GRM7: variants seen among roughly 807,000 people sequenced by gnomAD.
The protein encoded by GRM7 is glutamate metabotropic receptor 7, also known as metabotropic glutamate receptor 7.
A neutral mutation model predicts 84.5 loss-of-function variants in GRM7; 35 were observed. That is an observed-to-expected ratio of 0.41 (90% confidence interval 0.32 to 0.55). The LOEUF (loss-of-function observed/expected upper bound fraction) is 0.55, where lower values mean the gene tolerates loss of function less well. Ranked by LOEUF, GRM7 falls within the 20% of genes least tolerant of loss-of-function variation. The pLI, the probability that GRM7 is intolerant of heterozygous loss-of-function variation, is 0.19. For missense variants in GRM7, 1,003 were observed against 1,194.6 expected (o/e 0.84, Z 2.36); for synonymous variants, 487 against 455.1 (o/e 1.07, Z -0.89).
chr3:7,185,018 A>C (rs897774257), intron 2 of GRM7, among the ~76,000 whole-genome samples: 3 of 152,182 alleles, frequency 2.0e-5, no homozygotes, highest in African/African-American at 7.2e-5. Flanking sequence ...AAAGTGATAT[A>C]AGTTAGGTGG....
chr3:7,064,479 T>TATATATACAC, intron 1 of GRM7, among the ~76,000 whole-genome samples: 145 of 99,320 alleles, frequency 1.5e-3, no homozygotes, highest in African/African-American at 5.2e-3. Flanking sequence ...TATATATATA[T>TATATATACAC]ACACACATAT....
intron 2 of GRM7, among the ~76,000 whole-genome samples, chr3:7,266,086 G>A (rs1698626346): frequency 6.6e-6 from 1 of 152,080 alleles, no homozygotes; most frequent in African/African-American, 2.4e-5. Context: ...GTGGGTTAAA[G>A]GAACAGAAGA....
chr3:7,271,808 A>G (rs1300166718), intron 2 of GRM7, among the ~76,000 whole-genome samples: 7 of 152,284 alleles, frequency 4.6e-5, no homozygotes, highest in Middle Eastern at 3.4e-3. Context: ...CTGTTTCCTC[A>G]AGCAAGTACT....
intron 5 of GRM7, among the ~76,000 whole-genome samples, chr3:7,441,318 C>T (rs760777870): frequency 5.3e-5 from 8 of 152,076 alleles, no homozygotes; most frequent in Non-Finnish European, 1.0e-4. Flanking sequence ...GTGTCCTTTG[C>T]CCACTTTTTA....
chr3:7,607,203 C>A (rs146102938), intron 8 of GRM7: 2 of 152,084 alleles, frequency 1.3e-5, no homozygotes, highest in African/African-American at 4.8e-5. Context: ...ATCCTATTAC[C>A]GAGATGTTAT....
At chr3:7,155,403 A>G (rs1013469849) in intron 2 of GRM7, among the ~76,000 whole-genome samples, 10 of 152,210 alleles carry the variant, frequency 6.6e-5, no homozygotes, top group Non-Finnish European at 2.9e-5. Context: ...GGAATACACA[A>G]GTAAAAAGGA....
intron 7 of GRM7, among the ~76,000 whole-genome samples, chr3:7,569,185 G>A (rs1575504287): frequency 6.6e-6 from 1 of 151,288 alleles, no homozygotes; most frequent in Non-Finnish European, 1.5e-5. Context: ...CTAGCTCAGG[G>A]TTTGTGAATG....
chr3:7,482,479 T>C (rs1377635953), intron 7 of GRM7, among the ~76,000 whole-genome samples: 1 of 152,140 alleles, frequency 6.6e-6, no homozygotes, highest in Non-Finnish European at 1.5e-5. Flanking sequence ...GGGAGGTACA[T>C]GGCAAGTCAA....
chr3:7,090,447 G>A (rs1471313749), intron 1 of GRM7, among the ~76,000 whole-genome samples: 2 of 152,162 alleles, frequency 1.3e-5, no homozygotes, highest in African/African-American at 2.4e-5. Flanking sequence ...CTTGCACATA[G>A]CATTCTTTCA....
intron 7 of GRM7, among the ~76,000 whole-genome samples, chr3:7,485,468 C>A (rs1371300114): frequency 6.6e-6 from 1 of 152,174 alleles, no homozygotes; most frequent in Non-Finnish European, 1.5e-5. Flanking sequence ...TACCACAAGT[C>A]CCTAAGTTTC....
chr3:7,641,745 T>A (rs1698373623), intron 8 of GRM7, among the ~76,000 whole-genome samples: 2 of 152,168 alleles, frequency 1.3e-5, no homozygotes, highest in Non-Finnish European at 2.9e-5. Context: ...CATGAAATTC[T>A]GATAAACATT....
chr3:6,896,491 T>C (rs190444267), intron 1 of GRM7, among the ~76,000 whole-genome samples: 245 of 152,322 alleles, frequency 1.6e-3, no homozygotes, highest in Non-Finnish European at 2.6e-3. Flanking sequence ...TAACTGCAAT[T>C]CAGTCTGCCT....
Position 6,897,244 on chromosome 3 carries a change from C to A in GRM7, c.519+35337C>A, listed in dbSNP as rs548742572. Among the ~76,000 whole-genome samples the A allele has an allele frequency of 3.3e-5, 5 of 152,280 alleles. No individual in the cohort carries two copies. In the South Asian group the frequency reaches 8.3e-4, roughly 25 times the overall value. On this transcript the variant is annotated intron_variant, in intron 1 of 9. Transcript: ENST00000357716. ...TGTATGGGAAGCAGTACTGCTTGTC[C>A]TGCTAGTTCTCAAAGTGTGGTACTC... is the stretch of plus-strand genomic sequence containing the variant.
intron 1 of GRM7, among the ~76,000 whole-genome samples, chr3:6,952,602 C>A (rs1455479215): frequency 1.3e-5 from 2 of 152,308 alleles, no homozygotes; most frequent in East Asian, 3.9e-4. Context: ...TAAGCTGGGG[C>A]AGTCATAGGA....
chr3:7,564,810 G>A (rs189480246), intron 7 of GRM7, among the ~76,000 whole-genome samples: 22 of 152,198 alleles, frequency 1.4e-4, no homozygotes, highest in Admixed American at 4.6e-4. Context: ...TACTAGAGGC[G>A]ATGAAGCCAG....
At chr3:7,622,863 T>C (rs748109899) in intron 8 of GRM7, among the ~76,000 whole-genome samples, 1 of 152,126 alleles carries the variant, frequency 6.6e-6, no homozygotes, top group Non-Finnish European at 1.5e-5. Context: ...CTGACCCTGA[T>C]GGTATGTCAT....
chr3:7,079,672 G>A (rs1698215535), intron 1 of GRM7, among the ~76,000 whole-genome samples: 1 of 152,168 alleles, frequency 6.6e-6, no homozygotes, highest in Middle Eastern at 3.2e-3. Context: ...TAGAGAACTG[G>A]ATAAGGGTGA....
At chr3:7,317,823 A>C (rs1226409980) in intron 4 of GRM7, among the ~76,000 whole-genome samples, 1 of 152,070 alleles carries the variant, frequency 6.6e-6, no homozygotes, top group Non-Finnish European at 1.5e-5. Context: ...GTCAAGAAGA[A>C]GAGGTGAGGG....
At chr3:6,961,691 C>G (rs1456373727) in intron 1 of GRM7, among the ~76,000 whole-genome samples, 1 of 152,140 alleles carries the variant, frequency 6.6e-6, no homozygotes, top group Non-Finnish European at 1.5e-5. Flanking sequence ...TTCCTACAAC[C>G]AAATCTACTG....
Sources: gnomAD v4.1 joint callset for allele counts (sites outside exome capture counted in the v4.1 genomes callset) on GRCh38, gnomAD v4.1.1 for gene constraint, MANE v1.5 for transcripts, NCBI Gene and HGNC (gene_info 2026-07-23, HGNC 2026-07-21) for gene names.